MACROD1: variants seen among roughly 807,000 people sequenced by gnomAD.
The protein encoded by MACROD1 is mono-ADP ribosylhydrolase 1.
In MACROD1, 31 loss-of-function variants were observed where a neutral mutation model predicts 41.4. That is an observed-to-expected ratio of 0.75 (90% CI 0.56 to 1.01). The LOEUF is 1.01. Among genes scored for constraint, MACROD1 ranks in the 50% least tolerant of loss-of-function variants. MACROD1 has a pLI of 0.00. For synonymous variants in MACROD1, 252 were observed against 203.4 expected, an observed-to-expected ratio of 1.24 and a Z score of -2.03; for missense variants, 473 against 460.0, an observed-to-expected ratio of 1.03 and a Z score of -0.26.
intron 3 of MACROD1, among the ~76,000 whole-genome samples, chr11:64,016,000 G>T (rs1943076609): frequency 6.6e-6 from 1 of 152,206 alleles, no homozygotes; most frequent in African/African-American, 2.4e-5. Flanking sequence ...TGGTGTGAAG[G>T]TCAATGGAGA....
At chr11:64,004,038 G>A (rs1050078395) in intron 4 of MACROD1, among the ~76,000 whole-genome samples, 1 of 152,194 alleles carries the variant, frequency 6.6e-6, no homozygotes, top group African/African-American at 2.4e-5. Context: ...GCCTGCCCTC[G>A]CCTGAGCCCG....
intron 3 of MACROD1, among the ~76,000 whole-genome samples, chr11:64,095,036 C>T (rs1243852893): frequency 6.6e-6 from 1 of 152,186 alleles, no homozygotes; most frequent in Non-Finnish European, 1.5e-5. Context: ...AATGCTTTCT[C>T]TTCCTGCTTC....
intron 3 of MACROD1, among the ~76,000 whole-genome samples, chr11:64,125,505 A>C (rs1399885072): frequency 6.6e-6 from 1 of 152,112 alleles, no homozygotes; most frequent in Non-Finnish European, 1.5e-5. Flanking sequence ...CTGCCCACTC[A>C]TTGAGGATGG....
intron 3 of MACROD1, among the ~76,000 whole-genome samples, chr11:64,102,416 G>T (rs1944686897): frequency 1.3e-5 from 2 of 152,164 alleles, no homozygotes; most frequent in Non-Finnish European, 2.9e-5. Context: ...GAAACACGGA[G>T]ACCCAACTTC....
chr11:64,109,829 C>G (rs984659475), intron 3 of MACROD1, among the ~76,000 whole-genome samples: 1 of 152,076 alleles, frequency 6.6e-6, no homozygotes, highest in African/African-American at 2.4e-5. Context: ...GGGGCAACAC[C>G]TCAGCTTCAC....
Position 64,018,619 on chromosome 11 carries a change from G to A in MACROD1, c.518-3338C>T, listed in dbSNP as rs1051610037. Among the ~76,000 whole-genome samples, 7 of 152,158 alleles carry A rather than the reference G, an allele frequency of 4.6e-5. No homozygotes were observed. The East Asian group carries it at 9.7e-4, about 21-fold the overall frequency. On this transcript the variant is annotated intron_variant, in intron 3 of 10. Coordinates refer to ENST00000255681, the MANE Select transcript of MACROD1 (RefSeq NM_014067.4). Reference sequence around the variant, plus strand: ...CACCCCAACATCTTGGCCTGTGGCCGGCCCTTTTCACCTCAGCTAGTTCCT... The same window carrying A: ...CACCCCAACATCTTGGCCTGTGGCCAGCCCTTTTCACCTCAGCTAGTTCCT...
rs148322464 is a variant in MACROD1 at position 64,133,261 on chromosome 11, G to A, written c.517+17978C>T. 1.1e-3 allele frequency among the ~76,000 whole-genome samples: 162 copies of A among 152,310 alleles called. 1 individual carries two copies. Among genetic ancestry groups the A allele is most frequent in the African/African-American group, 3.6e-3 (151 of 41,556 alleles). On this transcript the variant is annotated intron_variant, in intron 3 of 10. Coordinates refer to ENST00000255681, the MANE Select transcript of MACROD1 (RefSeq NM_014067.4). ...CTTTGAATGCAGAAAGGAAGGTTGC[G>A]TCCACCTCAGCTTGGGAAACTGGAA...
At chr11:64,098,405 G>A (rs1251719899) in intron 3 of MACROD1, among the ~76,000 whole-genome samples, 1 of 152,096 alleles carries the variant, frequency 6.6e-6, no homozygotes, top group Admixed American at 6.5e-5. Flanking sequence ...TGTTCTTCCC[G>A]TCCCACTCCC....
intron 3 of MACROD1, among the ~76,000 whole-genome samples, chr11:64,070,148 G>A (rs116545445): frequency 1.2e-3 from 186 of 152,284 alleles, no homozygotes; most frequent in African/African-American, 4.2e-3. Flanking sequence ...ACTGAGGCCC[G>A]GAGAGACCAG....
intron 3 of MACROD1, among the ~76,000 whole-genome samples, chr11:64,093,603 C>T (rs1286827409): frequency 1.3e-5 from 2 of 152,228 alleles, no homozygotes; most frequent in Non-Finnish European, 2.9e-5. Flanking sequence ...GTTCTTGGGC[C>T]TCCCAGAACA....
rs1357391462 is a variant in MACROD1 at position 64,102,698 on chromosome 11, G to C, written c.517+48541C>G. Among the ~76,000 whole-genome samples the C allele has an allele frequency of 2.0e-5, 3 of 152,156 alleles. No homozygotes were observed. The East Asian group carries it at 5.8e-4, about 29-fold the overall frequency. ...GGCACCATGCATGGCCAATTGTCAG[G>C]ATTTGGAAAGAGGCAGGAGATAGGG... On this transcript the variant is annotated intron_variant, in intron 3 of 10. Transcript: ENST00000255681.
At position 64,165,825 on chromosome 11, in the gene MACROD1, G is replaced by C; in HGVS notation, c.170C>G (p.Thr57Ser). Residue 57 changes from threonine to serine, a missense_variant, in exon 1 of 11, where the codon ACC becomes AGC. Physicochemically the swap from Thr to Ser is moderately conservative, Grantham distance 58. Transcript: ENST00000255681. ...FLGVFGRRAR[T>S]SAGVGAWGAA... is the part of the protein sequence containing the mutation. ...CCCCCACGCCCCAACTCCCGCCGAG[G>C]TCCGCGCACGGCGGCCGAACACGCC... 4.7e-6 allele frequency: 7 copies of C among 1,480,774 alleles called. No homozygotes were observed. The highest frequency in any genetic ancestry group is 2.5e-5 in the Admixed American group (1 of 39,432). 91.7% of individuals were successfully genotyped at this position (1,480,774 alleles called of 1,614,324 possible). A position where few individuals can be genotyped will look rare whatever the true frequency, so the allele number is the denominator to read the frequency against.
chr11:63,999,537 G>A lies in MACROD1; in HGVS notation c.810C>T (p.Gly270=). The change falls in exon 7 of 11, where the codon GGC becomes GGT. Residue 270 remains glycine, a synonymous_variant. Transcript: ENST00000255681. ...RSVAFPCIST[G]VFGYPCEAAA... Reference sequence around the variant, plus strand: ...CCTTTCTTCCAGACTCACCAAACACGCCGGTGGAGATGCAGGGGAACGCCT... The same window carrying A: ...CCTTTCTTCCAGACTCACCAAACACACCGGTGGAGATGCAGGGGAACGCCT... 6 of 1,609,104 alleles carry A rather than the reference G, an allele frequency of 3.7e-6. No homozygotes were observed. Among genetic ancestry groups the A allele is most frequent in the Non-Finnish European group, 4.2e-6 (5 of 1,178,340 alleles).
At chr11:64,123,940 G>T (rs1945138919) in intron 3 of MACROD1, among the ~76,000 whole-genome samples, 1 of 152,208 alleles carries the variant, frequency 6.6e-6, no homozygotes, top group African/African-American at 2.4e-5. Flanking sequence ...AAGGTCTGGT[G>T]CTTTGACTAG....
intron 3 of MACROD1, among the ~76,000 whole-genome samples, chr11:64,072,489 A>C (rs1944128543): frequency 1.3e-5 from 2 of 152,240 alleles, no homozygotes; most frequent in Admixed American, 6.5e-5. Context: ...GCATTCCATA[A>C]GTTACGAGCA....
chr11:64,064,146 ATCT>A lies in MACROD1; in HGVS notation c.518-48868_518-48866del, dbSNP rs1943953672. Among the ~76,000 whole-genome samples, 1 of 152,112 alleles carries A rather than the reference ATCT, an allele frequency of 6.6e-6. No homozygotes were observed. Among genetic ancestry groups the A allele is most frequent in the African/African-American group, 2.4e-5 (1 of 41,414 alleles). On this transcript the variant is annotated intron_variant, in intron 3 of 10. Transcript: ENST00000255681. The surrounding 1 kb of genome is among the most constrained non-coding windows in gnomAD (Gnocchi z 4.5). ...GGTCTCTCCCACTCTCCCTTTCAGC[ATCT>A]TCTCTCTCTTGTCTTCTGAGGACAG...
At position 64,151,270 on chromosome 11, in the gene MACROD1, G is replaced by A; in HGVS notation, c.486C>T (p.Thr162=). ...EKISLLRSDI[T]KLEVDAIVNA... ...TGACGATGGCGTCCACCTCCAGCTTGGTGATGTCGCTGCGGAGCAGGGAGA... is the reference window on the plus strand; with the variant it reads ...TGACGATGGCGTCCACCTCCAGCTTAGTGATGTCGCTGCGGAGCAGGGAGA... Residue 162 remains threonine (T), a synonymous_variant, in exon 3 of 11, where the codon ACC becomes ACT. Coordinates refer to ENST00000255681, the MANE Select transcript of MACROD1 (RefSeq NM_014067.4). 6.2e-7 allele frequency: 1 copy of A among 1,613,832 alleles called. No individual in the cohort carries two copies. Among genetic ancestry groups the A allele is most frequent in the Non-Finnish European group, 8.5e-7 (1 of 1,180,016 alleles).
intron 3 of MACROD1, among the ~76,000 whole-genome samples, chr11:64,039,380 G>A (rs1044336821): frequency 1.3e-5 from 2 of 152,154 alleles, no homozygotes; most frequent in Non-Finnish European, 2.9e-5. Flanking sequence ...TGCTGCCCCC[G>A]GTGTACTGCC....
At chr11:63,998,893 A>G in intron 9 of MACROD1, 21 bp from the exon 10 acceptor site, 1 of 1,595,286 alleles carries the variant, frequency 6.3e-7, no homozygotes, top group Non-Finnish European at 8.5e-7. Flanking sequence ...GAGGACAGTG[A>G]GAGCCCGCCC....
Sources: gnomAD v4.1 joint callset for allele counts (sites outside exome capture counted in the v4.1 genomes callset) on GRCh38, gnomAD v4.1.1 for gene constraint, Gnocchi (gnomAD v3.1) non-coding constraint, MANE v1.5 for transcripts, NCBI Gene and HGNC (gene_info 2026-07-23, HGNC 2026-07-21) for gene names.